PLCB4: variants seen among roughly 807,000 people sequenced by gnomAD.
PLCB4 encodes 1-phosphatidylinositol 4,5-bisphosphate phosphodiesterase beta-4.
A neutral mutation model predicts 178.8 loss-of-function variants in PLCB4; 77 were observed. That is an observed-to-expected ratio of 0.43 (90% CI 0.36 to 0.52). PLCB4 has a LOEUF of 0.52. PLCB4 is among the 20% of genes least tolerant of loss of function. PLCB4 has a pLI of 0.00. For synonymous variants in PLCB4, 496 were observed against 490.8 expected (o/e 1.01, Z -0.14); for missense variants, 1,024 against 1,453.4 (o/e 0.70, Z 4.80).
intron 3 of PLCB4, among the ~76,000 whole-genome samples, chr20:9,233,973 G>A (rs1467384432): frequency 6.6e-6 from 1 of 152,134 alleles, no homozygotes; most frequent in Non-Finnish European, 1.5e-5. Context: ...AAGCAGAAAA[G>A]CCAGTTAGGT....
At chr20:9,182,485 C>T (rs2093263094) in intron 2 of PLCB4, among the ~76,000 whole-genome samples, 1 of 152,188 alleles carries the variant, frequency 6.6e-6, no homozygotes, top group African/African-American at 2.4e-5. Context: ...GTCTCAGTAA[C>T]CCGGGAACCT....
At chr20:9,438,364 TTAA>T (rs1323831604) in intron 30 of PLCB4, among the ~76,000 whole-genome samples, 6 of 145,560 alleles carry the variant, frequency 4.1e-5, no homozygotes, top group African/African-American at 1.5e-4. Flanking sequence ...AGACTATATC[TTAA>T]AAAAAAAAAA....
intron 1 of PLCB4, among the ~76,000 whole-genome samples, chr20:9,069,577 A>C (rs1380668805): frequency 6.6e-6 from 1 of 151,936 alleles, no homozygotes; most frequent in Non-Finnish European, 1.5e-5. Context: ...CTTCTGGGGA[A>C]ATCATAGAAA....
intron 2 of PLCB4, among the ~76,000 whole-genome samples, chr20:9,116,620 T>C (rs2091788754): frequency 6.6e-6 from 1 of 152,146 alleles, no homozygotes; most frequent in Non-Finnish European, 1.5e-5. Context: ...GCCATGACAA[T>C]AGCTTTATAG....
At position 9,425,436 on chromosome 20, in the gene PLCB4, C is replaced by T. The variant is rs78797978; in HGVS notation, c.2524+1484C>T. ...ATTCATTCTTGGGAACTAAGCCACT[C>T]GAATAGAAAAGGGAAAGAAATCATT... On this transcript the variant is annotated intron_variant, in intron 28 of 39. Transcript: ENST00000378473. Among the ~76,000 whole-genome samples the T allele has an allele frequency of 6.0e-3, 915 of 152,266 alleles. 8 individuals carry two copies. The highest frequency in any genetic ancestry group is 0.021 in the African/African-American group (869 of 41,552).
At chr20:9,254,694 T>C (rs935538623) in intron 3 of PLCB4, among the ~76,000 whole-genome samples, 66 of 152,174 alleles carry the variant, frequency 4.3e-4, no homozygotes, top group African/African-American at 1.5e-3. Context: ...CAAAACTCTG[T>C]CTCAAAAAAT....
At chr20:9,328,231 G>A (rs1355427906) in intron 4 of PLCB4, among the ~76,000 whole-genome samples, 2 of 152,208 alleles carry the variant, frequency 1.3e-5, no homozygotes, top group African/African-American at 2.4e-5. Context: ...TGCTTCTGGT[G>A]TTCCTGGTGG....
intron 3 of PLCB4, among the ~76,000 whole-genome samples, chr20:9,250,997 T>C (rs1488698367): frequency 6.6e-6 from 1 of 152,248 alleles, no homozygotes; most frequent in Non-Finnish European, 1.5e-5. Flanking sequence ...GTTTTAACTT[T>C]GTTTTTACCC....
chr20:9,138,783 G>C (rs1600668009), intron 2 of PLCB4, among the ~76,000 whole-genome samples: 1 of 152,056 alleles, frequency 6.6e-6, no homozygotes, highest in Admixed American at 6.6e-5. Context: ...AAAGCTTAAG[G>C]GGTCAGCAGT....
intron 3 of PLCB4, among the ~76,000 whole-genome samples, chr20:9,246,976 G>C (rs1370395830): frequency 3.3e-5 from 5 of 152,160 alleles, no homozygotes; most frequent in South Asian, 2.1e-4. Context: ...TATAGTAACT[G>C]TGTGCATCTT....
chr20:9,087,689 G>A (rs1046321787), intron 1 of PLCB4, among the ~76,000 whole-genome samples: 1 of 152,190 alleles, frequency 6.6e-6, no homozygotes, highest in Non-Finnish European at 1.5e-5. Flanking sequence ...TGACACGGGG[G>A]ACATAAAAGG....
At chr20:9,078,351 T>C (rs76810872) in intron 1 of PLCB4, among the ~76,000 whole-genome samples, 1 of 27,938 alleles carries the variant, frequency 3.6e-5, no homozygotes, top group Non-Finnish European at 5.5e-5. Context: ...TTCTTTTCTT[T>C]TCTTCTCTTT....
intron 3 of PLCB4, among the ~76,000 whole-genome samples, chr20:9,253,407 C>A (rs1325294952): frequency 6.6e-6 from 1 of 152,138 alleles, no homozygotes; most frequent in African/African-American, 2.4e-5. Context: ...AGGTAGGGCT[C>A]CTGCTCTGTG....
In PLCB4 at chr20:9,395,577, C is replaced by T; in HGVS notation, c.1469C>T (p.Ala490Val). The T allele has an allele frequency of 6.2e-7, 1 of 1,613,594 alleles. No individual in the cohort carries two copies. The highest frequency in any genetic ancestry group is 8.5e-7 in the Non-Finnish European group (1 of 1,179,598). Reference sequence around the variant, plus strand: ...GAAGCTGGAGAATCTGCCTCCCCAGCAAACATCTTAGAGGACGATAATGAA... The same window carrying T: ...GAAGCTGGAGAATCTGCCTCCCCAGTAAACATCTTAGAGGACGATAATGAA... ...MMEAGESASP[A>V]NILEDDNEEE... is the part of the protein sequence containing the mutation. Residue 490 changes from alanine (A) to valine (V), a missense_variant, in exon 19 of 40, where the codon GCA (alanine) becomes GTA (valine). Transcript: ENST00000378473.
At chr20:9,186,479 A>G (rs985886990) in intron 2 of PLCB4, among the ~76,000 whole-genome samples, 1 of 152,086 alleles carries the variant, frequency 6.6e-6, no homozygotes, top group African/African-American at 2.4e-5. Context: ...TTTTAATTCC[A>G]CTTATCTGAA....
chr20:9,225,348 G>A (rs1200967202), intron 3 of PLCB4, among the ~76,000 whole-genome samples: 2 of 152,094 alleles, frequency 1.3e-5, no homozygotes, highest in African/African-American at 2.4e-5. Flanking sequence ...AATGCTTAAG[G>A]CTTGTCTTGG....
At chr20:9,125,517 A>G (rs1484632173) in intron 2 of PLCB4, among the ~76,000 whole-genome samples, 1 of 152,202 alleles carries the variant, frequency 6.6e-6, no homozygotes, top group East Asian at 1.9e-4. Flanking sequence ...CAATTTAGAT[A>G]TAACTCGTAA....
intron 19 of PLCB4, among the ~76,000 whole-genome samples, chr20:9,399,445 T>C (rs2038864258): frequency 6.6e-6 from 1 of 152,224 alleles, no homozygotes; most frequent in African/African-American, 2.4e-5. Flanking sequence ...GTCTCTAATT[T>C]AAATACATCA....
rs771718837 is a variant in PLCB4, at chr20:9,443,962, AT to A, written c.2765-11del. ...GATTTTTAGTATACATAGTGACTTA[AT>A]TTTTTTTGTTTGTTTAGGTATTGAA... On this transcript the variant is annotated intron_variant, in intron 30 of 39. Transcript: ENST00000378473. 138 of 1,455,290 alleles carry A rather than the reference AT, an allele frequency of 9.5e-5. No individual in the cohort carries two copies. The highest frequency in any genetic ancestry group is 1.1e-4 in the Non-Finnish European group (112 of 1,046,762). The allele number at this position is 1,455,290 out of a possible 1,614,324, so 90.1% of individuals were successfully genotyped here.
Sources: allele counts gnomAD v4.1 joint callset (sites outside exome capture counted in the v4.1 genomes callset), GRCh38; gene constraint gnomAD v4.1.1; transcripts MANE v1.5; gene names NCBI Gene and HGNC (gene_info 2026-07-23, HGNC 2026-07-21).